MAPRE3: variants seen among roughly 807,000 people sequenced by gnomAD.
MAPRE3 encodes microtubule associated protein RP/EB family member 3, also known as microtubule-associated protein RP/EB family member 3.
Under a neutral mutation model 30.5 loss-of-function variants are expected in MAPRE3, and 2 were observed. The observed-to-expected ratio is 0.07, with a 90% CI of 0.03 to 0.21. The LOEUF (loss-of-function observed/expected upper bound fraction) is 0.21. Ranked by LOEUF, MAPRE3 falls within the 10% of genes least tolerant of loss-of-function variation. The pLI, the probability that MAPRE3 is intolerant of heterozygous loss-of-function variation, is 1.00. For synonymous variants in MAPRE3, 110 were observed against 127.7 expected (o/e 0.86, Z 0.93); for missense variants, 204 against 351.8 (o/e 0.58, Z 3.36).
At chr2:27,017,395 T>C (rs577404882) in intron 1 of MAPRE3, among the ~76,000 whole-genome samples, 1 of 152,308 alleles carries the variant, frequency 6.6e-6, no homozygotes, top group African/African-American at 2.4e-5. Context: ...AAAGGAGCCA[T>C]TTTTTCCAGC....
intron 1 of MAPRE3, among the ~76,000 whole-genome samples, chr2:26,971,097 C>T (rs1009701400): frequency 3.3e-5 from 5 of 152,198 alleles, no homozygotes; most frequent in East Asian, 3.9e-4. Context: ...GGCCACCGCA[C>T]CTCTGCCCTG....
intron 1 of MAPRE3, among the ~76,000 whole-genome samples, chr2:27,005,434 C>A (rs1427717259): frequency 2.6e-5 from 4 of 152,164 alleles, no homozygotes; most frequent in African/African-American, 9.7e-5. Flanking sequence ...GGGCAAGAAA[C>A]TTTGGGGTCA....
intron 1 of MAPRE3, among the ~76,000 whole-genome samples, chr2:27,018,803 C>T (rs1284265942): frequency 1.3e-5 from 2 of 152,182 alleles, no homozygotes; most frequent in Admixed American, 6.5e-5. Context: ...AGTTATTATC[C>T]ACCAAGAACT....
chr2:27,024,965 G>A (rs889366301), intron 4 of MAPRE3, among the ~76,000 whole-genome samples: 6 of 152,030 alleles, frequency 3.9e-5, no homozygotes, highest in African/African-American at 7.2e-5. Flanking sequence ...TCGCCCGCCT[G>A]CTTGCTTTGC....
At chr2:26,988,592 C>T (rs1369107778) in intron 1 of MAPRE3, among the ~76,000 whole-genome samples, 1 of 152,180 alleles carries the variant, frequency 6.6e-6, no homozygotes, top group Non-Finnish European at 1.5e-5. Context: ...GCTTAATAGT[C>T]AGTCCACTGA....
rs77261024 is a variant in MAPRE3, at chr2:27,024,851, G to A, written c.469+554G>A. 5.1e-3 allele frequency among the ~76,000 whole-genome samples: 778 copies of A among 152,264 alleles called. 36 individuals are homozygous for A. The East Asian group carries it at 0.11, about 21-fold the overall frequency. On this transcript the variant is annotated intron_variant, in intron 4 of 6. Coordinates refer to ENST00000233121, the MANE Select transcript of MAPRE3 (RefSeq NM_012326.4). ...AATAGGGCCTTTGGGAAGCAGCAGCGTTGGGAGGGGAAGGGAGAGGAGCAG... is the reference window on the plus strand; with the variant it reads ...AATAGGGCCTTTGGGAAGCAGCAGCATTGGGAGGGGAAGGGAGAGGAGCAG...
At chr2:27,016,635 C>T (rs755537547) in intron 1 of MAPRE3, among the ~76,000 whole-genome samples, 1 of 152,058 alleles carries the variant, frequency 6.6e-6, no homozygotes, top group Non-Finnish European at 1.5e-5. Context: ...CCGCCCACCT[C>T]GGCCTCCCAA....
chr2:26,995,955 G>A (rs1359350759), intron 1 of MAPRE3, among the ~76,000 whole-genome samples: 1 of 151,630 alleles, frequency 6.6e-6, no homozygotes, highest in African/African-American at 2.4e-5. Context: ...TCTTCAGCTT[G>A]CTTGGCCCAT....
intron 6 of MAPRE3, 113 bp from the exon 7 acceptor site, chr2:27,026,167 C>T: frequency 7.3e-7 from 1 of 1,378,190 alleles, no homozygotes; most frequent in Non-Finnish European, 1.0e-6. Context: ...CAGGGTCACC[C>T]ATTAGCAGGG....
intron 1 of MAPRE3, chr2:27,002,224 A>C (rs1036301478): frequency 6.6e-6 from 1 of 152,208 alleles, no homozygotes; most frequent in African/African-American, 2.4e-5. Context: ...CCCTCTTTTC[A>C]GAGTGGCATT....
In MAPRE3 at chr2:26,988,089, C is replaced by T. The variant is rs766347632; in HGVS notation, c.-8+17287C>T. Among the ~76,000 whole-genome samples the T allele has an allele frequency of 2.6e-5, 4 of 152,374 alleles. No individual in the cohort carries two copies. In the South Asian group the frequency reaches 6.2e-4, roughly 24 times the overall value. On this transcript the variant is annotated intron_variant, in intron 1 of 6. Coordinates refer to ENST00000233121, the MANE Select transcript of MAPRE3 (RefSeq NM_012326.4). ...TAGACAACACTAGCTCCTAAGCAGG[C>T]GGGCCTGCTGGAGGCCAGGTTCTAA... is the stretch of plus-strand genomic sequence containing the variant.
At chr2:26,997,467 G>A (rs1666489367) in intron 1 of MAPRE3, among the ~76,000 whole-genome samples, 4 of 152,170 alleles carry the variant, frequency 2.6e-5, no homozygotes, top group Admixed American at 2.0e-4. Flanking sequence ...AGATTGGACA[G>A]CCCTGAGTTA....
At chr2:26,974,313 A>T (rs973895319) in intron 1 of MAPRE3, among the ~76,000 whole-genome samples, 11 of 152,220 alleles carry the variant, frequency 7.2e-5, no homozygotes, top group Non-Finnish European at 1.3e-4. Flanking sequence ...TTTGTGTCAA[A>T]CTGTCTAACT....
At chr2:26,971,640 C>G (rs1391240597) in intron 1 of MAPRE3, among the ~76,000 whole-genome samples, 1 of 150,728 alleles carries the variant, frequency 6.6e-6, no homozygotes, top group Non-Finnish European at 1.5e-5. Flanking sequence ...TTTTAAATCG[C>G]ACTACAACCC....
chr2:27,025,393 C>G (rs1302289050), intron 4 of MAPRE3, among the ~76,000 whole-genome samples, 190 bp from the exon 5 acceptor site: 4 of 152,232 alleles, frequency 2.6e-5, no homozygotes, highest in African/African-American at 9.6e-5. Flanking sequence ...AAGGGCTGCC[C>G]AGCTGCTGGA....
intron 1 of MAPRE3, among the ~76,000 whole-genome samples, chr2:27,002,705 C>T (rs1469146892): frequency 6.6e-6 from 1 of 152,194 alleles, no homozygotes; most frequent in Admixed American, 6.5e-5. Context: ...TGGTGGGGCC[C>T]TTGTGCTGAT....
chr2:26,980,555 A>G (rs1457980049), intron 1 of MAPRE3, among the ~76,000 whole-genome samples: 2 of 152,212 alleles, frequency 1.3e-5, no homozygotes, highest in African/African-American at 4.8e-5. Context: ...TGATACCAGT[A>G]TGCTTAACCT....
chr2:26,992,866 G>A (rs1472045926), intron 1 of MAPRE3, among the ~76,000 whole-genome samples: 1 of 152,216 alleles, frequency 6.6e-6, no homozygotes, highest in East Asian at 1.9e-4. Flanking sequence ...TACATGGAGT[G>A]TTGATTCTGT....
At chr2:26,991,296 A>G (rs560306574) in intron 1 of MAPRE3, among the ~76,000 whole-genome samples, 1 of 152,276 alleles carries the variant, frequency 6.6e-6, no homozygotes, top group East Asian at 1.9e-4. Flanking sequence ...AGCTTAGTCA[A>G]TCAGTCCCAG....
Sources: allele counts gnomAD v4.1 joint callset (sites outside exome capture counted in the v4.1 genomes callset), GRCh38; gene constraint gnomAD v4.1.1; transcripts MANE v1.5; gene names NCBI Gene and HGNC (gene_info 2026-07-23, HGNC 2026-07-21).